SYNPO2: variants seen among roughly 807,000 people sequenced by gnomAD.
SYNPO2 encodes synaptopodin-2.
Under a neutral mutation model 85.0 loss-of-function variants are expected in SYNPO2, and 56 were observed. The ratio of observed to expected loss-of-function variants is 0.66; its 90% confidence interval spans 0.53 to 0.82. SYNPO2 has a LOEUF of 0.82. Among genes scored for constraint, SYNPO2 ranks in the 40% least tolerant of loss-of-function variants. SYNPO2 has a pLI of 0.00. For synonymous variants in SYNPO2, 602 were observed against 591.1 expected (o/e 1.02, Z -0.27); for missense variants, 1,575 against 1,534.2 (o/e 1.03, Z -0.44).
chr4:118,885,871 A>C (rs1364956527), upstream of SYNPO2, among the ~76,000 whole-genome samples: 1 of 152,228 alleles, frequency 6.6e-6, no homozygotes, highest in Non-Finnish European at 1.5e-5. Flanking sequence ...ATGATTAAGA[A>C]TAGGTATTAG....
chr4:118,918,060 G>A (rs1203408650), intron 1 of SYNPO2, among the ~76,000 whole-genome samples: 1 of 152,132 alleles, frequency 6.6e-6, no homozygotes, highest in East Asian at 1.9e-4. Flanking sequence ...AAGAGTGCCT[G>A]CTGCATGAGC....
At chr4:118,881,621 A>G (rs577499203) in intron 1 of SYNPO2, among the ~76,000 whole-genome samples, 2 of 152,210 alleles carry the variant, frequency 1.3e-5, no homozygotes, top group Non-Finnish European at 2.9e-5. Flanking sequence ...GCGTCCCCTT[A>G]CGACTGCGAG....
Position 119,057,965 on chromosome 4 carries a change from T to C in SYNPO2, c.*31T>C, listed in dbSNP as rs2149202888. 1.3e-6 allele frequency: 2 copies of C among 1,559,944 alleles called. No individual in the cohort carries two copies. Among genetic ancestry groups the C allele is most frequent in the East Asian group, 4.5e-5 (2 of 44,342 alleles). ...AGAAGAACGGATCATGTGCCAACTGTAGTTTTTTAAAAAAAACGCTCCTTT... is the reference window on the plus strand; with the variant it reads ...AGAAGAACGGATCATGTGCCAACTGCAGTTTTTTAAAAAAAACGCTCCTTT... On this transcript the variant is annotated 3_prime_UTR_variant, in exon 5 of 5. Transcript: ENST00000307142.
chr4:119,038,582 A>G, intron 4 of SYNPO2: 1 of 984,984 alleles, frequency 1.0e-6, no homozygotes, highest in South Asian at 4.7e-5. Context: ...CTTTCTTATT[A>G]AGTAGTGAAT....
intron 1 of SYNPO2, among the ~76,000 whole-genome samples, chr4:118,883,146 A>G (rs949188998): frequency 6.6e-6 from 1 of 151,820 alleles, no homozygotes. Flanking sequence ...TGCATTAGAT[A>G]CTAAAATCAT....
intron 1 of SYNPO2, among the ~76,000 whole-genome samples, chr4:118,988,855 C>T (rs1025066168): frequency 6.6e-6 from 1 of 152,222 alleles, no homozygotes; most frequent in South Asian, 2.1e-4. Context: ...TTCCCCCACC[C>T]CAAAGTCATC....
At chr4:119,038,143 C>G in intron 4 of SYNPO2, 15 of 985,330 alleles carry the variant, frequency 1.5e-5, no homozygotes, top group Non-Finnish European at 1.8e-5. Flanking sequence ...ACATGGTTTC[C>G]ACAGTCTCAT....
At chr4:119,022,017 A>G (rs1257211677) in intron 1 of SYNPO2, among the ~76,000 whole-genome samples, 1 of 152,154 alleles carries the variant, frequency 6.6e-6, no homozygotes, top group Non-Finnish European at 1.5e-5. Context: ...TCTGCAAAGT[A>G]ATCTCTTTTT....
chr4:118,910,049 A>T (rs1232576788), intron 1 of SYNPO2, among the ~76,000 whole-genome samples: 1 of 152,078 alleles, frequency 6.6e-6, no homozygotes, highest in East Asian at 1.9e-4. Flanking sequence ...TTTTACTATG[A>T]CCTCCAAATC....
chr4:118,948,704 C>T (rs915087065), intron 1 of SYNPO2, among the ~76,000 whole-genome samples: 1 of 152,102 alleles, frequency 6.6e-6, no homozygotes, highest in East Asian at 1.9e-4. Flanking sequence ...ACAACCAGCT[C>T]TTATGTGAAC....
At chr4:118,850,710 A>C (rs916509293) in exon 1 of SYNPO2, 2 of 398,690 alleles carry the variant, frequency 5.0e-6, no homozygotes, top group Non-Finnish European at 8.8e-6. Context: ...CAAAATATTC[A>C]GAACATGTTG....
At chr4:118,879,289 C>A (rs1732015324) in intron 1 of SYNPO2, among the ~76,000 whole-genome samples, 1 of 152,166 alleles carries the variant, frequency 6.6e-6, no homozygotes, top group Non-Finnish European at 1.5e-5. Context: ...CACAGAAGTG[C>A]CAATTCAGAG....
chr4:118,897,216 C>G (rs1367151127), intron 1 of SYNPO2, among the ~76,000 whole-genome samples: 1 of 152,146 alleles, frequency 6.6e-6, no homozygotes, highest in Non-Finnish European at 1.5e-5. Context: ...CTGCCAAACA[C>G]TTTCAAACCA....
intron 1 of SYNPO2, among the ~76,000 whole-genome samples, chr4:118,900,729 A>C (rs200103905): frequency 2.2e-4 from 21 of 93,950 alleles, no homozygotes; most frequent in South Asian, 1.6e-3. Context: ...ATATATATAT[A>C]TATGTCTGTC....
intron 1 of SYNPO2, among the ~76,000 whole-genome samples, chr4:119,012,375 CTTTT>C (rs10651853): frequency 9.1e-6 from 1 of 109,764 alleles, no homozygotes; most frequent in Non-Finnish European, 1.9e-5. Flanking sequence ...TCCCCCTTTT[CTTTT>C]TTTTTTTTTT....
intron 1 of SYNPO2, among the ~76,000 whole-genome samples, chr4:118,975,696 C>T (rs930659648): frequency 1.3e-5 from 2 of 152,304 alleles, no homozygotes; most frequent in Non-Finnish European, 2.9e-5. Context: ...AGTTCCCTAG[C>T]ACAAGGCAGA....
At chr4:118,970,346 T>C (rs1008061664) in intron 1 of SYNPO2, among the ~76,000 whole-genome samples, 2 of 152,204 alleles carry the variant, frequency 1.3e-5, no homozygotes, top group Admixed American at 1.3e-4. Context: ...GGTCTTGCTA[T>C]CATATGTGCC....
At chr4:118,854,171 A>G (rs187850007) in intron 1 of SYNPO2, among the ~76,000 whole-genome samples, 2 of 152,310 alleles carry the variant, frequency 1.3e-5, no homozygotes, top group Non-Finnish European at 2.9e-5. Flanking sequence ...TACACAAAAA[A>G]CAAAGAATCT....
chr4:118,882,912 G>T (rs557032999), intron 1 of SYNPO2, among the ~76,000 whole-genome samples: 4 of 152,156 alleles, frequency 2.6e-5, no homozygotes, highest in African/African-American at 9.6e-5. Context: ...TGGGACTACA[G>T]CCACCACGCC....
Sources: gnomAD v4.1 joint callset for allele counts (sites outside exome capture counted in the v4.1 genomes callset) on GRCh38, gnomAD v4.1.1 for gene constraint, MANE v1.5 for transcripts, NCBI Gene and HGNC (gene_info 2026-07-23, HGNC 2026-07-21) for gene names.